C1GALT1: variants seen among roughly 807,000 people sequenced by gnomAD.
The protein encoded by C1GALT1 is glycoprotein-N-acetylgalactosamine 3-beta-galactosyltransferase 1.
Under a neutral mutation model 31.0 loss-of-function variants are expected in C1GALT1, and 11 were observed. That is an observed-to-expected ratio of 0.36 (90% confidence interval 0.22 to 0.59). The LOEUF (loss-of-function observed/expected upper bound fraction) is 0.59, where lower values mean the gene tolerates loss of function less well. Ranked by LOEUF, C1GALT1 falls within the 20% of genes least tolerant of loss-of-function variation. The pLI is 0.79. For synonymous variants in C1GALT1, 175 were observed against 143.6 expected, an observed-to-expected ratio of 1.22 and a Z score of -1.56; for missense variants, 424 against 425.2, an observed-to-expected ratio of 1.00 and a Z score of 0.03.
intron 1 of C1GALT1, among the ~76,000 whole-genome samples, chr7:7,231,576 G>A (rs1783076619): frequency 6.6e-6 from 1 of 151,762 alleles, no homozygotes; most frequent in African/African-American, 2.4e-5. Flanking sequence ...TTTTTCTTCA[G>A]CTGTGACTAT....
intron 2 of C1GALT1, among the ~76,000 whole-genome samples, chr7:7,167,526 A>G (rs1450712810): frequency 2.0e-5 from 3 of 152,204 alleles, no homozygotes; most frequent in African/African-American, 7.2e-5. Context: ...AGAGTAATAC[A>G]TCTTTAATAT....
intron 2 of C1GALT1, among the ~76,000 whole-genome samples, chr7:7,177,135 C>G (rs2128227874): frequency 6.6e-6 from 1 of 152,278 alleles, no homozygotes; most frequent in African/African-American, 2.4e-5. Flanking sequence ...AAGAAAAAAC[C>G]ATACAATTAA....
rs566996501 is a variant in C1GALT1, at chr7:7,223,220, G to A, written c.-17-11083G>A. 7.2e-5 allele frequency among the ~76,000 whole-genome samples: 11 copies of A among 152,160 alleles called. No individual in the cohort carries two copies. In the East Asian group the frequency reaches 1.4e-3, roughly 19 times the overall value. On this transcript the variant is annotated intron_variant, in intron 1 of 3. Transcript: ENST00000436587. ...GTCACCCAGGCTGGAGTACAGTGGC[G>A]CGATCTTGGCTCACTGCAACCTCTG...
In C1GALT1 at chr7:7,238,040, A is replaced by G. The variant is rs931614874; in HGVS notation, c.221-215A>G. On this transcript the variant is annotated intron_variant, in intron 2 of 3. Transcript: ENST00000436587. This position sits in a 1 kb window ranked among gnomAD's most constrained non-coding sequence, Gnocchi z 5.2. ...AATTTAGATTATAATGTCAACTCTT[A>G]CTAGCTCCAGTGATGTCCTAGATAA... Among the ~76,000 whole-genome samples, 2 of 152,220 alleles carry G rather than the reference A, an allele frequency of 1.3e-5. No individual in the cohort carries two copies. Among genetic ancestry groups the G allele is most frequent in the African/African-American group, 4.8e-5 (2 of 41,468 alleles).
At chr7:7,158,587 T>TATTATATATTATATATTATATATTATATA in intron 2 of C1GALT1, among the ~76,000 whole-genome samples, 1 of 150,582 alleles carries the variant, frequency 6.6e-6, no homozygotes, top group Non-Finnish European at 1.5e-5. Context: ...TTTTTATATA[T>TATTATATATTATATATTATATATTATATA]TTATATATTA....
At chr7:7,210,113 G>C (rs1583785454) in intron 1 of C1GALT1, among the ~76,000 whole-genome samples, 1 of 152,170 alleles carries the variant, frequency 6.6e-6, no homozygotes, top group Non-Finnish European at 1.5e-5. Context: ...CAGGTCACAG[G>C]GGATATGATG....
intron 2 of C1GALT1, among the ~76,000 whole-genome samples, chr7:7,175,649 A>G (rs557497647): frequency 2.6e-5 from 4 of 152,218 alleles, no homozygotes; most frequent in Non-Finnish European, 5.9e-5. Flanking sequence ...AGGATCTTGC[A>G]TCAATCCTTC....
intron 2 of C1GALT1, among the ~76,000 whole-genome samples, chr7:7,163,699 G>A (rs1331360948): frequency 6.6e-6 from 1 of 152,140 alleles, no homozygotes; most frequent in African/African-American, 2.4e-5. Flanking sequence ...CAAACCATGA[G>A]TGAACTCTCA....
chr7:7,244,658 A>T lies in C1GALT1; in HGVS notation c.*931A>T, dbSNP rs1297092671. On this transcript the variant is annotated 3_prime_UTR_variant, in exon 4 of 4. Coordinates refer to ENST00000436587, the MANE Select transcript of C1GALT1 (RefSeq NM_020156.5). ...TAAATTGATATTTTAAACTCTTTCC[A>T]ACTACATAGTTATGGTTTATTTCAT... 2 of 152,134 alleles carry T rather than the reference A, an allele frequency of 1.3e-5. No homozygotes were observed. The highest frequency in any genetic ancestry group is 2.9e-5 in the Non-Finnish European group (2 of 67,986). 9.4% of individuals were successfully genotyped at this position (152,134 alleles called of 1,614,324 possible). A position where few individuals can be genotyped will look rare whatever the true frequency, so the allele number is the denominator to read the frequency against.
At chr7:7,237,832 C>T (rs1351736401) in intron 2 of C1GALT1, among the ~76,000 whole-genome samples, 5 of 152,138 alleles carry the variant, frequency 3.3e-5, no homozygotes, top group Non-Finnish European at 7.4e-5. Context: ...AAACTGGCTG[C>T]TTTCTTTTAT....
At chr7:7,192,387 C>A (rs1194364285) in intron 1 of C1GALT1, among the ~76,000 whole-genome samples, 2 of 152,084 alleles carry the variant, frequency 1.3e-5, no homozygotes, top group African/African-American at 4.8e-5. Flanking sequence ...TGACAACTTA[C>A]AATGTTTGGT....
chr7:7,191,896 C>T (rs1400622846), intron 1 of C1GALT1, among the ~76,000 whole-genome samples: 1 of 151,878 alleles, frequency 6.6e-6, no homozygotes, highest in East Asian at 1.9e-4. Context: ...TACGATTTGC[C>T]TGTATTTTCA....
At chr7:7,166,380 G>A (rs1044291338) in intron 2 of C1GALT1, among the ~76,000 whole-genome samples, 1 of 152,088 alleles carries the variant, frequency 6.6e-6, no homozygotes, top group Non-Finnish European at 1.5e-5. Flanking sequence ...AAGTAACAAT[G>A]CCAGTGAATA....
At chr7:7,200,135 G>T (rs1304461096) in intron 1 of C1GALT1, among the ~76,000 whole-genome samples, 4 of 152,092 alleles carry the variant, frequency 2.6e-5, no homozygotes, top group Non-Finnish European at 5.9e-5. Context: ...CTTCCTAGCA[G>T]CGATGGTCTT....
intron 1 of C1GALT1, chr7:7,209,501 A>C (rs977827216): frequency 6.6e-6 from 1 of 152,218 alleles, no homozygotes; most frequent in Non-Finnish European, 1.5e-5. Flanking sequence ...TACTTTGTGC[A>C]TATAAGTATA....
intron 1 of C1GALT1, among the ~76,000 whole-genome samples, chr7:7,223,217 G>T (rs1324204639): frequency 6.6e-6 from 1 of 152,148 alleles, no homozygotes; most frequent in Non-Finnish European, 1.5e-5. Context: ...GGAGTACAGT[G>T]GCGCGATCTT....
intron 1 of C1GALT1, among the ~76,000 whole-genome samples, chr7:7,211,930 G>A (rs1782024846): frequency 1.3e-5 from 2 of 152,176 alleles, no homozygotes; most frequent in African/African-American, 2.4e-5. Flanking sequence ...AATGACAAAT[G>A]TATGATAAGC....
chr7:7,171,656 CTT>C (rs767699362), intron 2 of C1GALT1, among the ~76,000 whole-genome samples: 27 of 152,016 alleles, frequency 1.8e-4, no homozygotes, highest in Non-Finnish European at 3.5e-4. Flanking sequence ...TTTTTCCTCT[CTT>C]ATTTTCTCCA....
chr7:7,178,999 A>C (rs1780538976), upstream of C1GALT1, among the ~76,000 whole-genome samples: 1 of 152,194 alleles, frequency 6.6e-6, no homozygotes, highest in South Asian at 2.1e-4. Context: ...GCATGCAATC[A>C]TTTGAAGGCC....
Sources: gnomAD v4.1 joint callset for allele counts (sites outside exome capture counted in the v4.1 genomes callset) on GRCh38, gnomAD v4.1.1 for gene constraint, Gnocchi (gnomAD v3.1) non-coding constraint, MANE v1.5 for transcripts, NCBI Gene and HGNC (gene_info 2026-07-23, HGNC 2026-07-21) for gene names.